The following ROBO1 variants were observed in gnomAD, a reference collection of about 807,000 sequenced individuals.
ROBO1 encodes the protein roundabout homolog 1.
In ROBO1, 149 loss-of-function variants were observed where a neutral mutation model predicts 195.9. The observed-to-expected ratio is 0.76, with a 90% CI of 0.67 to 0.87. The LOEUF (loss-of-function observed/expected upper bound fraction) is 0.87, where lower values mean the gene tolerates loss of function less well. Ranked by LOEUF, ROBO1 falls within the 40% of genes least tolerant of loss-of-function variation. The pLI is 0.00. For synonymous variants in ROBO1, 816 were observed against 733.2 expected (o/e 1.11, Z -1.82); for missense variants, 1,933 against 2,068.3 (o/e 0.93, Z 1.27).
At chr3:79,387,727 A>C (rs1391677218) in intron 2 of ROBO1, among the ~76,000 whole-genome samples, 1 of 152,144 alleles carries the variant, frequency 6.6e-6, no homozygotes, top group African/African-American at 2.4e-5. Context: ...GGTAGTAAAA[A>C]TAGTTGTTAA....
intron 2 of ROBO1, among the ~76,000 whole-genome samples, chr3:79,311,002 G>A (rs2033459829): frequency 6.6e-6 from 1 of 152,116 alleles, no homozygotes; most frequent in Non-Finnish European, 1.5e-5. Context: ...GAAAATATCA[G>A]TATTGATTTT....
rs529739658 is a variant in ROBO1 at position 79,615,493 on chromosome 3, G to A, written c.-50-25532C>T. 4.5e-4 allele frequency among the ~76,000 whole-genome samples: 69 copies of A among 152,246 alleles called. 1 individual carries two copies. In the South Asian group the frequency reaches 0.014, roughly 30 times the overall value. ...CCTCCTGAGACTTTGTCATAGGAACGTACTTAGCCTTGGCAACATAAACTT... is the reference window on the plus strand; with the variant it reads ...CCTCCTGAGACTTTGTCATAGGAACATACTTAGCCTTGGCAACATAAACTT... On this transcript the variant is annotated intron_variant, in intron 1 of 30. Coordinates refer to ENST00000464233, the MANE Select transcript of ROBO1 (RefSeq NM_002941.4).
In ROBO1 at chr3:78,605,471, T is replaced by C. The variant is rs139669751; in HGVS notation, c.4744+1262A>G. On this transcript the variant is annotated intron_variant, in intron 29 of 30. Transcript: ENST00000464233. ...TATTCATACAACAGAAGTAAGCAAA[T>C]GGCTACAAATTAGGGTTTGGTTTTG... Among the ~76,000 whole-genome samples, 23 of 152,284 alleles carry C rather than the reference T, an allele frequency of 1.5e-4. No individual in the cohort carries two copies. In the East Asian group the frequency reaches 3.9e-3, roughly 26 times the overall value.
intron 3 of ROBO1, among the ~76,000 whole-genome samples, chr3:78,952,702 A>T (rs1282137750): frequency 6.6e-6 from 1 of 152,060 alleles, no homozygotes; most frequent in Non-Finnish European, 1.5e-5. Context: ...ACTCTACAAA[A>T]AAAGCTAAGT....
chr3:78,654,858 T>C (rs1448548695), intron 18 of ROBO1, among the ~76,000 whole-genome samples: 1 of 152,218 alleles, frequency 6.6e-6, no homozygotes, highest in Non-Finnish European at 1.5e-5. Flanking sequence ...GTCATAAAAA[T>C]AGGTAAACAA....
chr3:79,363,007 A>G (rs1220006373), intron 2 of ROBO1, among the ~76,000 whole-genome samples: 1 of 152,226 alleles, frequency 6.6e-6, no homozygotes, highest in Admixed American at 6.5e-5. Flanking sequence ...GAAAGGGTAC[A>G]TAAGACTGAG....
chr3:79,437,739 G>A lies in ROBO1; in HGVS notation c.88+152085C>T, dbSNP rs139958119. Among the ~76,000 whole-genome samples the A allele has an allele frequency of 7.7e-3, 1,171 of 152,058 alleles. 22 individuals are homozygous for A. The highest frequency in any genetic ancestry group is 0.025 in the African/African-American group (1,045 of 41,536). ...TGTGATAGATATTAGCATAAAGGTT[G>A]TGTATAGTGGGAGTTGGTGATGAGA... On this transcript the variant is annotated intron_variant, in intron 2 of 30. Coordinates refer to ENST00000464233, the MANE Select transcript of ROBO1 (RefSeq NM_002941.4).
intron 5 of ROBO1, among the ~76,000 whole-genome samples, chr3:78,739,569 T>A (rs1188916408): frequency 6.6e-6 from 1 of 152,166 alleles, no homozygotes; most frequent in Admixed American, 6.6e-5. Flanking sequence ...TTTCTTTAGA[T>A]AACCTCTACT....
intron 2 of ROBO1, among the ~76,000 whole-genome samples, chr3:79,207,819 C>A (rs2108794425): frequency 6.7e-6 from 1 of 150,314 alleles, no homozygotes; most frequent in African/African-American, 2.4e-5. Context: ...GACTTCGGTT[C>A]ATATCTAATT....
intron 3 of ROBO1, among the ~76,000 whole-genome samples, chr3:79,046,364 A>G (rs993543855): frequency 1.3e-5 from 2 of 152,126 alleles, no homozygotes; most frequent in Non-Finnish European, 2.9e-5. Context: ...CAACATCTTG[A>G]ATGCAGCTTT....
chr3:78,932,302 T>C (rs541899673), intron 4 of ROBO1, among the ~76,000 whole-genome samples: 2 of 152,212 alleles, frequency 1.3e-5, no homozygotes, highest in Non-Finnish European at 2.9e-5. Context: ...AAATACTGAA[T>C]TGATATTCTG....
Position 78,856,057 on chromosome 3 carries a change from CT to C in ROBO1, c.499+82543del, listed in dbSNP as rs1259255425. Among the ~76,000 whole-genome samples the C allele has an allele frequency of 2.7e-5, 4 of 150,548 alleles. No homozygotes were observed. The South Asian group carries it at 6.3e-4, about 24-fold the overall frequency. Reference sequence around the variant, plus strand: ...ACACACTACCAGAACTTTCCTTTTTCTTTTTTTTCAAGCTTCAGAGTAACAA... The same window carrying C: ...ACACACTACCAGAACTTTCCTTTTTCTTTTTTTCAAGCTTCAGAGTAACAA... On this transcript the variant is annotated intron_variant, in intron 4 of 30. Transcript: ENST00000464233.
intron 4 of ROBO1, among the ~76,000 whole-genome samples, chr3:78,810,614 C>T (rs1266707993): frequency 6.6e-6 from 1 of 151,778 alleles, no homozygotes; most frequent in Non-Finnish European, 1.5e-5. Flanking sequence ...GACTTCTAAC[C>T]CTGCTTATAT....
At chr3:78,760,474 G>A (rs1235777835) in intron 4 of ROBO1, among the ~76,000 whole-genome samples, 1 of 152,110 alleles carries the variant, frequency 6.6e-6, no homozygotes, top group African/African-American at 2.4e-5. Flanking sequence ...AACTAATTTA[G>A]TCATCAGCCT....
At chr3:78,851,905 A>C (rs541680422) in intron 4 of ROBO1, among the ~76,000 whole-genome samples, 153 of 152,256 alleles carry the variant, frequency 1.0e-3, no homozygotes, top group African/African-American at 3.5e-3. Flanking sequence ...CAACACATTA[A>C]AAAAACTATT....
At chr3:79,356,791 A>G (rs1226846846) in intron 2 of ROBO1, among the ~76,000 whole-genome samples, 1 of 152,182 alleles carries the variant, frequency 6.6e-6, no homozygotes, top group East Asian at 1.9e-4. Flanking sequence ...GAAATCAATG[A>G]CTGAAAGACA....
At chr3:78,937,825 T>C (rs1357124427) in intron 4 of ROBO1, among the ~76,000 whole-genome samples, 3 of 152,186 alleles carry the variant, frequency 2.0e-5, no homozygotes, top group Admixed American at 2.0e-4. Flanking sequence ...ACTTTTTTGA[T>C]ATAGCTTTAA....
intron 3 of ROBO1, among the ~76,000 whole-genome samples, chr3:78,953,194 A>C (rs1262475026): frequency 6.6e-6 from 1 of 152,028 alleles, no homozygotes; most frequent in Non-Finnish European, 1.5e-5. Context: ...AAGGGCAATA[A>C]CTGGAGAATT....
intron 1 of ROBO1, among the ~76,000 whole-genome samples, chr3:79,609,640 G>T (rs112341875): frequency 7.9e-5 from 12 of 151,924 alleles, no homozygotes; most frequent in African/African-American, 2.7e-4. Context: ...ACAAAATGTG[G>T]TATAACATAC....
Sources: allele counts gnomAD v4.1 joint callset (sites outside exome capture counted in the v4.1 genomes callset), GRCh38; gene constraint gnomAD v4.1.1; transcripts MANE v1.5; gene names NCBI Gene and HGNC (gene_info 2026-07-23, HGNC 2026-07-21).